Variants in GALNTL6 observed in about 807,000 individuals in gnomAD.
The protein encoded by GALNTL6 is polypeptide N-acetylgalactosaminyltransferase like 6.
In GALNTL6, 46 loss-of-function variants were observed where a neutral mutation model predicts 73.7. The ratio of observed to expected loss-of-function variants is 0.62; its 90% CI spans 0.49 to 0.80. The LOEUF (loss-of-function observed/expected upper bound fraction) is 0.80. Among genes scored for constraint, GALNTL6 ranks in the 30% least tolerant of loss-of-function variants. GALNTL6 has a pLI of 0.00. For synonymous variants in GALNTL6, 259 were observed against 263.7 expected (o/e 0.98, Z 0.17); for missense variants, 604 against 755.0 (o/e 0.80, Z 2.34).
chr4:173,018,558 A>T (rs1422198231), intron 11 of GALNTL6, among the ~76,000 whole-genome samples: 1 of 152,224 alleles, frequency 6.6e-6, no homozygotes, highest in Non-Finnish European at 1.5e-5. Flanking sequence ...GACAATCATG[A>T]TGAAATAGGT....
chr4:171,914,425 G>A (rs961889138), intron 2 of GALNTL6, among the ~76,000 whole-genome samples: 15 of 135,992 alleles, frequency 1.1e-4, no homozygotes, highest in Non-Finnish European at 2.2e-4. Flanking sequence ...AAAGGAAAAT[G>A]TACTTTTTTT....
chr4:172,788,328 T>A (rs1477463573), intron 5 of GALNTL6, among the ~76,000 whole-genome samples: 1 of 152,160 alleles, frequency 6.6e-6, no homozygotes, highest in Non-Finnish European at 1.5e-5. Flanking sequence ...GCCATGCTCA[T>A]GCCACTGCAC....
chr4:173,011,514 T>C (rs1752552434), intron 11 of GALNTL6, among the ~76,000 whole-genome samples: 1 of 152,318 alleles, frequency 6.6e-6, no homozygotes, highest in African/African-American at 2.4e-5. Context: ...CTTTAATCCA[T>C]TTTAATTTGA....
At chr4:171,848,298 G>A (rs1336678019) in intron 2 of GALNTL6, among the ~76,000 whole-genome samples, 1 of 152,154 alleles carries the variant, frequency 6.6e-6, no homozygotes, top group Non-Finnish European at 1.5e-5. Context: ...CAGATGTTCT[G>A]TCATCCAGGC....
intron 9 of GALNTL6, among the ~76,000 whole-genome samples, chr4:172,935,082 C>T (rs1748536937): frequency 6.6e-6 from 1 of 152,156 alleles, no homozygotes; most frequent in South Asian, 2.1e-4. Flanking sequence ...GCTAAACATA[C>T]CAGCTGATTA....
At chr4:172,810,032 T>A (rs1448773093) in intron 6 of GALNTL6, among the ~76,000 whole-genome samples, 1 of 152,026 alleles carries the variant, frequency 6.6e-6, no homozygotes, top group Non-Finnish European at 1.5e-5. Flanking sequence ...TAGAAGCACC[T>A]TGACATTTTC....
At chr4:172,881,033 C>A (rs945521417) in intron 7 of GALNTL6, among the ~76,000 whole-genome samples, 1 of 152,130 alleles carries the variant, frequency 6.6e-6, no homozygotes, top group African/African-American at 2.4e-5. Flanking sequence ...TGCCCTTTGT[C>A]TCATGTTTTA....
chr4:171,845,006 A>G (rs1396532972), intron 2 of GALNTL6, among the ~76,000 whole-genome samples: 1 of 152,146 alleles, frequency 6.6e-6, no homozygotes, highest in Non-Finnish European at 1.5e-5. Context: ...TCTCCATTCC[A>G]TGAATAATAC....
intron 10 of GALNTL6, among the ~76,000 whole-genome samples, chr4:172,990,159 C>G (rs1751476661): frequency 1.3e-5 from 2 of 152,168 alleles, no homozygotes; most frequent in South Asian, 4.1e-4. Flanking sequence ...GCATGTCATT[C>G]CAATTTAAGC....
chr4:172,876,661 C>T (rs538119544), intron 7 of GALNTL6, among the ~76,000 whole-genome samples: 36 of 152,170 alleles, frequency 2.4e-4, no homozygotes, highest in African/African-American at 8.4e-4. Flanking sequence ...CATAGAACCT[C>T]GTGACACCAT....
intron 3 of GALNTL6, among the ~76,000 whole-genome samples, chr4:172,242,968 T>C (rs1737499867): frequency 6.6e-6 from 1 of 152,212 alleles, no homozygotes; most frequent in Non-Finnish European, 1.5e-5. Context: ...TATAATCAGA[T>C]CATTTCACTC....
chr4:171,985,090 A>G (rs114277376), intron 2 of GALNTL6, among the ~76,000 whole-genome samples: 2,834 of 152,056 alleles, frequency 0.019, 42 homozygotes, highest in Non-Finnish European at 0.028. Flanking sequence ...AGCTCTCCCC[A>G]CCCAATTAAG....
At chr4:172,044,755 A>C (rs1265700660) in intron 2 of GALNTL6, among the ~76,000 whole-genome samples, 1 of 152,056 alleles carries the variant, frequency 6.6e-6, no homozygotes, top group Non-Finnish European at 1.5e-5. Context: ...TTGTAACCTC[A>C]GACACTTGCC....
chr4:172,433,692 G>GCCCAGTGATTTT (rs1731540068), intron 5 of GALNTL6, among the ~76,000 whole-genome samples: 3 of 149,028 alleles, frequency 2.0e-5, no homozygotes, highest in Non-Finnish European at 4.5e-5. Flanking sequence ...TCTGCCCCTT[G>GCCCAGTGATTTT]CCCAGTGATT....
rs568532723 is a variant in GALNTL6 at position 172,003,161 on chromosome 4, G to A, written c.138+188443G>A. Among the ~76,000 whole-genome samples the A allele has an allele frequency of 7.9e-5, 12 of 151,938 alleles. No individual in the cohort carries two copies. In the South Asian group the frequency reaches 1.9e-3, roughly 24 times the overall value. On this transcript the variant is annotated intron_variant, in intron 2 of 12. Transcript: ENST00000506823. Reference sequence around the variant, plus strand: ...GTGTTGTTCTTAGGATTTACATATCGTTTGCTTGAATAAAAAATACAGACA... The same window carrying A: ...GTGTTGTTCTTAGGATTTACATATCATTTGCTTGAATAAAAAATACAGACA...
intron 5 of GALNTL6, among the ~76,000 whole-genome samples, chr4:172,570,338 G>C (rs753615671): frequency 2.0e-5 from 3 of 152,156 alleles, no homozygotes; most frequent in Non-Finnish European, 4.4e-5. Context: ...AGTGGGGCTA[G>C]TTCCAGAGAA....
chr4:172,494,240 C>T (rs988811490), intron 5 of GALNTL6, among the ~76,000 whole-genome samples: 9 of 152,138 alleles, frequency 5.9e-5, no homozygotes, highest in Non-Finnish European at 1.0e-4. Flanking sequence ...CGTAATATTA[C>T]GATTCCTTCA....
chr4:172,901,589 T>C (rs1302562813), intron 8 of GALNTL6, among the ~76,000 whole-genome samples: 1 of 152,162 alleles, frequency 6.6e-6, no homozygotes, highest in African/African-American at 2.4e-5. Context: ...CAAATGGTCA[T>C]TATCATGCAT....
intron 7 of GALNTL6, among the ~76,000 whole-genome samples, chr4:172,819,081 A>G (rs1013779066): frequency 2.0e-5 from 3 of 152,358 alleles, no homozygotes; most frequent in East Asian, 3.9e-4. Context: ...ATCCTCTGAC[A>G]TGGGCCAAAG....
Sources: allele counts gnomAD v4.1 joint callset (sites outside exome capture counted in the v4.1 genomes callset), GRCh38; gene constraint gnomAD v4.1.1; transcripts MANE v1.5; gene names NCBI Gene and HGNC (gene_info 2026-07-23, HGNC 2026-07-21).